Variants in CSMD1 observed in about 807,000 individuals in gnomAD.
CSMD1 encodes the protein CUB and Sushi multiple domains 1, also known as CUB and sushi domain-containing protein 1.
In CSMD1, 213 loss-of-function variants were observed where a neutral mutation model predicts 417.5. That is an observed-to-expected ratio of 0.51 (90% CI 0.46 to 0.57). The LOEUF (loss-of-function observed/expected upper bound fraction) is 0.57, where lower values mean the gene tolerates loss of function less well. Among genes scored for constraint, CSMD1 ranks in the 20% least tolerant of loss-of-function variants. CSMD1 has a pLI of 0.00. For missense variants in CSMD1, 6,923 were observed against 4,529.7 expected (o/e 1.53, Z -15.17); for synonymous variants, 2,862 against 1,736.8 (o/e 1.65, Z -16.11).
chr8:3,497,448 C>T (rs942654068), intron 10 of CSMD1, among the ~76,000 whole-genome samples: 1 of 152,016 alleles, frequency 6.6e-6, no homozygotes, highest in African/African-American at 2.4e-5. Flanking sequence ...GCTCTGTCAC[C>T]CAGGCTGGAG....
chr8:4,015,512 A>G (rs1420937894), intron 4 of CSMD1, among the ~76,000 whole-genome samples: 1 of 152,116 alleles, frequency 6.6e-6, no homozygotes, highest in Non-Finnish European at 1.5e-5. Flanking sequence ...TAGGTCTAAA[A>G]GCAACAATGG....
intron 3 of CSMD1, among the ~76,000 whole-genome samples, chr8:4,052,707 T>G (rs946178139): frequency 6.6e-6 from 1 of 152,142 alleles, no homozygotes; most frequent in Admixed American, 6.5e-5. Flanking sequence ...TTGCTATTAA[T>G]GTTATAAATA....
intron 1 of CSMD1, among the ~76,000 whole-genome samples, chr8:4,934,264 C>G (rs902146468): frequency 5.3e-5 from 8 of 152,134 alleles, no homozygotes; most frequent in African/African-American, 1.9e-4. Context: ...AAATATTTCC[C>G]CACAGAATGC....
At chr8:4,895,747 A>G (rs1386151293) in intron 1 of CSMD1, among the ~76,000 whole-genome samples, 2 of 151,718 alleles carry the variant, frequency 1.3e-5, no homozygotes, top group Non-Finnish European at 2.9e-5. Context: ...TTTTCTAGTA[A>G]TTAACCAAAG....
At chr8:3,255,559 G>C (rs959742665) in intron 26 of CSMD1, among the ~76,000 whole-genome samples, 3 of 152,220 alleles carry the variant, frequency 2.0e-5, no homozygotes, top group African/African-American at 7.2e-5. Context: ...ACTCAAGCCT[G>C]TGCAATGGTG....
In CSMD1 at chr8:3,643,713, A is replaced by G. The variant is rs553063012; in HGVS notation, c.1010-26916T>C. Reference sequence around the variant, plus strand: ...GAGACTCCGTCTCAAAAAAAAAAAAAAAAAAAAAAGGAAATGCCTCCTCTG... The same window carrying G: ...GAGACTCCGTCTCAAAAAAAAAAAAGAAAAAAAAAGGAAATGCCTCCTCTG... On this transcript the variant is annotated intron_variant, in intron 7 of 69. Coordinates refer to ENST00000635120, the MANE Select transcript of CSMD1 (RefSeq NM_033225.6). Among the ~76,000 whole-genome samples, 341 of 151,042 alleles carry G rather than the reference A, an allele frequency of 2.3e-3. 7 individuals carry two copies. The highest frequency in any genetic ancestry group is 7.8e-3 in the African/African-American group (322 of 41,054).
rs533710084 is a variant in CSMD1 at position 4,866,539 on chromosome 8, T to C, written c.85+127793A>G. On this transcript the variant is annotated intron_variant, in intron 1 of 69. Transcript: ENST00000635120. Reference sequence around the variant, plus strand: ...CCCACAACATAAGTGTTATTGGCTTTTTTAACAACTAAATAAATAGAAACC... The same window carrying C: ...CCCACAACATAAGTGTTATTGGCTTCTTTAACAACTAAATAAATAGAAACC... 9.5e-4 allele frequency among the ~76,000 whole-genome samples: 144 copies of C among 152,026 alleles called. 1 individual carries two copies. The highest frequency in any genetic ancestry group is 3.3e-3 in the African/African-American group (138 of 41,466).
intron 3 of CSMD1, among the ~76,000 whole-genome samples, chr8:4,324,859 C>A (rs1007078311): frequency 2.6e-5 from 4 of 152,188 alleles, no homozygotes; most frequent in African/African-American, 9.6e-5. Flanking sequence ...ACTCCCATCC[C>A]AGCACACCTC....
chr8:4,141,997 T>C (rs953491824), intron 3 of CSMD1, among the ~76,000 whole-genome samples: 2 of 151,004 alleles, frequency 1.3e-5, no homozygotes, highest in Admixed American at 6.6e-5. Flanking sequence ...TCTCAACTTA[T>C]ATATTCAATG....
chr8:3,026,768 T>G (rs1015141658), intron 51 of CSMD1, among the ~76,000 whole-genome samples: 1 of 152,246 alleles, frequency 6.6e-6, no homozygotes, highest in Non-Finnish European at 1.5e-5. Context: ...GGTGACTAGT[T>G]ATGCAGCAAT....
At chr8:3,208,412 G>A (rs1797423583) in intron 30 of CSMD1, among the ~76,000 whole-genome samples, 2 of 152,036 alleles carry the variant, frequency 1.3e-5, no homozygotes, top group South Asian at 4.2e-4. Context: ...GACTACAGGT[G>A]CACACCACCA....
intron 7 of CSMD1, among the ~76,000 whole-genome samples, chr8:3,683,244 A>AT (rs1187181800): frequency 3.3e-5 from 5 of 151,792 alleles, no homozygotes; most frequent in African/African-American, 1.2e-4. Flanking sequence ...TAAAAAATAA[A>AT]TAAAAAAATA....
chr8:3,645,718 A>C (rs1186186388), intron 7 of CSMD1, among the ~76,000 whole-genome samples: 2 of 152,210 alleles, frequency 1.3e-5, no homozygotes, highest in Non-Finnish European at 2.9e-5. Flanking sequence ...TCTGCAAGGA[A>C]CATGGAAGCT....
chr8:3,367,184 T>A lies in CSMD1; in HGVS notation c.2963A>T (p.Glu988Val). The part of the protein sequence containing the change: ...ESSHDYLLIT[E>V]DGSFSEPVAR... Reference sequence around the variant, plus strand: ...AACGGGCTCGGAAAAACTTCCATCCTCTGTGATCAGTAAATAGTCGTGGGA... The same window carrying A: ...AACGGGCTCGGAAAAACTTCCATCCACTGTGATCAGTAAATAGTCGTGGGA... Residue 988 changes from glutamate to valine, a missense_variant, in exon 20 of 70, where the codon GAG becomes GTG. Glu to Val is a moderately radical substitution (Grantham distance 121). Transcript: ENST00000635120. 2 of 1,613,604 alleles carry A rather than the reference T, an allele frequency of 1.2e-6. No homozygotes were observed. The highest frequency in any genetic ancestry group is 1.7e-6 in the Non-Finnish European group (2 of 1,179,778).
At chr8:4,906,680 C>T (rs927180680) in intron 1 of CSMD1, among the ~76,000 whole-genome samples, 1 of 152,106 alleles carries the variant, frequency 6.6e-6, no homozygotes, top group Non-Finnish European at 1.5e-5. Context: ...CCTCAGTCTC[C>T]CGAGTAGCTG....
chr8:4,832,121 C>G (rs540033513), intron 1 of CSMD1, among the ~76,000 whole-genome samples: 2 of 152,320 alleles, frequency 1.3e-5, no homozygotes, highest in African/African-American at 4.8e-5. Flanking sequence ...GTTCACTGAA[C>G]TGGCATGTAT....
chr8:4,309,998 T>G (rs1798470938), intron 3 of CSMD1, among the ~76,000 whole-genome samples: 1 of 152,002 alleles, frequency 6.6e-6, no homozygotes, highest in South Asian at 2.1e-4. Context: ...GACTAAGGAG[T>G]TTGGAAAACA....
intron 3 of CSMD1, among the ~76,000 whole-genome samples, chr8:4,318,649 C>T (rs1272854755): frequency 5.2e-5 from 4 of 77,302 alleles, no homozygotes; most frequent in South Asian, 1.2e-3. Context: ...AAATTTAAGA[C>T]GTCACTGATT....
intron 1 of CSMD1, among the ~76,000 whole-genome samples, chr8:4,813,617 T>A (rs1362970270): frequency 1.3e-5 from 2 of 152,216 alleles, no homozygotes; most frequent in Non-Finnish European, 2.9e-5. Context: ...TTGCCATGTT[T>A]CTAAAAGGGT....
Sources: allele counts gnomAD v4.1 joint callset (sites outside exome capture counted in the v4.1 genomes callset), GRCh38; gene constraint gnomAD v4.1.1; transcripts MANE v1.5; gene names NCBI Gene and HGNC (gene_info 2026-07-23, HGNC 2026-07-21).